The following MAGI1 variants were observed in gnomAD, a reference collection of about 807,000 sequenced individuals.
The protein encoded by MAGI1 is membrane-associated guanylate kinase, WW and PDZ domain-containing protein 1.
A neutral mutation model predicts 139.9 loss-of-function variants in MAGI1; 58 were observed. The ratio of observed to expected loss-of-function variants is 0.41; its 90% CI spans 0.34 to 0.52. MAGI1 has a LOEUF of 0.52. MAGI1 is among the 20% of genes least tolerant of loss of function. The pLI is 0.12. For synonymous variants in MAGI1, 812 were observed against 737.9 expected, an observed-to-expected ratio of 1.10 and a Z score of -1.63; for missense variants, 1,874 against 1,901.6, an observed-to-expected ratio of 0.99 and a Z score of 0.27.
At chr3:65,535,430 A>C (rs568194949) in intron 2 of MAGI1, among the ~76,000 whole-genome samples, 2 of 152,342 alleles carry the variant, frequency 1.3e-5, no homozygotes, top group African/African-American at 4.8e-5. Context: ...AGATAGCAAC[A>C]GGAAGAGGAA....
At chr3:65,362,771 A>G (rs1310522987) in intron 21 of MAGI1, among the ~76,000 whole-genome samples, 2 of 152,138 alleles carry the variant, frequency 1.3e-5, no homozygotes, top group East Asian at 1.9e-4. Context: ...ATGGCTCTCC[A>G]TGGGCAATTC....
intron 14 of MAGI1, among the ~76,000 whole-genome samples, chr3:65,384,854 G>T (rs907503974): frequency 1.3e-4 from 20 of 151,748 alleles, no homozygotes; most frequent in Admixed American, 3.9e-4. Context: ...AGCATCCATG[G>T]ATTTTTATAT....
intron 1 of MAGI1, among the ~76,000 whole-genome samples, chr3:65,833,696 T>C (rs2042653483): frequency 6.6e-6 from 1 of 152,252 alleles, no homozygotes; most frequent in Non-Finnish European, 1.5e-5. Context: ...ACAACCAACT[T>C]GAAGCAAGTG....
At chr3:65,669,984 G>A (rs547493530) in intron 1 of MAGI1, among the ~76,000 whole-genome samples, 2 of 152,230 alleles carry the variant, frequency 1.3e-5, no homozygotes, top group South Asian at 2.1e-4. Context: ...TTCTTAAAAT[G>A]AATTATCCAT....
chr3:65,721,297 G>A (rs7611121), intron 1 of MAGI1, among the ~76,000 whole-genome samples: 28,831 of 152,032 alleles, frequency 0.19, 3,137 homozygotes, highest in African/African-American at 0.28. Flanking sequence ...AGGCCCGAAG[G>A]GCTGGGCTCC....
At chr3:65,579,487 C>G (rs1315331711) in intron 2 of MAGI1, among the ~76,000 whole-genome samples, 1 of 152,204 alleles carries the variant, frequency 6.6e-6, no homozygotes, top group Non-Finnish European at 1.5e-5. Flanking sequence ...TCACAAATGT[C>G]TGTTCTTAGA....
chr3:65,770,843 A>C (rs572983472), intron 1 of MAGI1, among the ~76,000 whole-genome samples: 1 of 151,858 alleles, frequency 6.6e-6, no homozygotes, highest in East Asian at 2.0e-4. Context: ...CATGTGCCAC[A>C]ATGCCTAGCT....
At chr3:65,996,561 GC>G (rs2066462021) in intron 1 of MAGI1, among the ~76,000 whole-genome samples, 1 of 144,610 alleles carries the variant, frequency 6.9e-6, no homozygotes, top group East Asian at 2.0e-4. Flanking sequence ...GGGGAAGCGA[GC>G]CCCCACTTAA....
intron 1 of MAGI1, among the ~76,000 whole-genome samples, chr3:65,968,859 A>T (rs2064884358): frequency 6.6e-6 from 1 of 152,174 alleles, no homozygotes; most frequent in African/African-American, 2.4e-5. Flanking sequence ...GTTTGTTTGA[A>T]ATTTAGTCAT....
chr3:65,440,684 G>C (rs1242477521), intron 8 of MAGI1, among the ~76,000 whole-genome samples: 1 of 151,994 alleles, frequency 6.6e-6, no homozygotes, highest in Non-Finnish European at 1.5e-5. Context: ...TAAAAGTACA[G>C]GCCTTAGGCA....
intron 1 of MAGI1, among the ~76,000 whole-genome samples, chr3:65,916,646 C>T (rs2061920711): frequency 6.6e-6 from 1 of 152,118 alleles, no homozygotes; most frequent in East Asian, 1.9e-4. Context: ...ATGGGAGCTA[C>T]AATTAAAAAT....
intron 1 of MAGI1, among the ~76,000 whole-genome samples, chr3:65,885,422 A>G (rs1461534611): frequency 6.6e-6 from 1 of 152,086 alleles, no homozygotes; most frequent in Non-Finnish European, 1.5e-5. Flanking sequence ...TAGTTTTCAC[A>G]TATATTGTGA....
chr3:65,478,758 G>T lies in MAGI1; in HGVS notation c.591C>A (p.Val197=), dbSNP rs1038190669. ...CATCCGTCGTGATCACTTTCCCACT[G>T]ACTGGCTGGCTAGGAGGCTTGGGTG... ...YGTPKPPSQP[V]SGKVITTDAL... is the part of the protein sequence containing the mutation. Residue 197 remains valine, a synonymous_variant, in exon 4 of 23, where the codon GTC becomes GTA. Transcript: ENST00000402939. The T allele has an allele frequency of 5.0e-6, 8 of 1,613,908 alleles. No homozygotes were observed. In the Admixed American group the frequency reaches 8.3e-5, roughly 17 times the overall value.
chr3:65,530,838 T>TACACAC (rs1350712440), intron 2 of MAGI1, among the ~76,000 whole-genome samples: 3 of 94,656 alleles, frequency 3.2e-5, no homozygotes, highest in East Asian at 2.9e-4. Flanking sequence ...TATATATATA[T>TACACAC]ACACACACAC....
At chr3:65,459,884 C>T (rs1292693414) in intron 5 of MAGI1, among the ~76,000 whole-genome samples, 1 of 151,982 alleles carries the variant, frequency 6.6e-6, no homozygotes, top group Non-Finnish European at 1.5e-5. Flanking sequence ...GCGTTAACAC[C>T]ACTGCACTCC....
Position 65,356,763 on chromosome 3 carries a change from T to G in MAGI1, c.4004A>C (p.Asn1335Thr). The change falls in exon 23 of 23, where the codon AAC becomes ACC. Residue 1335 changes from asparagine to threonine, a missense_variant. Physicochemically the swap from Asn to Thr is moderately conservative, Grantham distance 65. Around this residue, in one of 5 missense-constraint regions of MAGI1, gnomAD observed 653 missense variants for 644.5 expected, o/e 1.01. Coordinates refer to ENST00000402939, the MANE Select transcript of MAGI1 (RefSeq NM_001033057.2). ...KRREGTRSAD[N>T]TLERREKHEK... ...GTGCTTCTCCCTCCTCTCCAAAGTG[T>G]TGTCGGCGCTGCGGGTGCCCTCCCT... 1.9e-6 allele frequency: 3 copies of G among 1,604,370 alleles called. No individual in the cohort carries two copies. The highest frequency in any genetic ancestry group is 2.6e-6 in the Non-Finnish European group (3 of 1,175,698).
chr3:65,921,057 T>C (rs2062156273), intron 1 of MAGI1, among the ~76,000 whole-genome samples: 1 of 151,694 alleles, frequency 6.6e-6, no homozygotes, highest in South Asian at 2.1e-4. Flanking sequence ...GGAATTGGGC[T>C]GCAGTTTTTA....
chr3:65,604,333 T>C (rs142620103), intron 2 of MAGI1, among the ~76,000 whole-genome samples: 2,547 of 152,230 alleles, frequency 0.017, 41 homozygotes, highest in South Asian at 0.068. Context: ...TGGATAATGA[T>C]GTTTAGTTAT....
intron 2 of MAGI1, chr3:65,619,944 A>C (rs1252958040): frequency 1.7e-5 from 17 of 985,340 alleles, no homozygotes; most frequent in Non-Finnish European, 1.8e-5. Context: ...AAGGGGCTTT[A>C]TACCAGCAAA....
Sources: allele counts gnomAD v4.1 joint callset (sites outside exome capture counted in the v4.1 genomes callset), GRCh38; gene constraint gnomAD v4.1.1; regional missense constraint gnomAD v4.1.1; transcripts MANE v1.5; gene names NCBI Gene and HGNC (gene_info 2026-07-23, HGNC 2026-07-21).